The following GALNT14 variants were observed in gnomAD, a reference collection of about 807,000 sequenced individuals.
GALNT14 encodes the protein UDP-GalNAc:polypeptide N-acetylgalactosaminyltransferase 14.
Under a neutral mutation model 77.5 loss-of-function variants are expected in GALNT14, and 60 were observed. That is an observed-to-expected ratio of 0.77 (90% CI 0.63 to 0.96). The LOEUF (loss-of-function observed/expected upper bound fraction) is 0.96. Ranked by LOEUF, GALNT14 falls within the 40% of genes least tolerant of loss-of-function variation. The pLI is 0.00. For missense variants in GALNT14, 710 were observed against 731.0 expected (o/e 0.97, Z 0.33); for synonymous variants, 280 against 281.7 (o/e 0.99, Z 0.06).
chr2:30,927,643 A>G (rs1424871823), intron 11 of GALNT14, among the ~76,000 whole-genome samples: 2 of 152,172 alleles, frequency 1.3e-5, no homozygotes, highest in African/African-American at 2.4e-5. Context: ...CAGTGAAGTT[A>G]ATGGGTTGGT....
At chr2:30,978,127 C>T (rs565104268) in intron 2 of GALNT14, among the ~76,000 whole-genome samples, 1 of 152,238 alleles carries the variant, frequency 6.6e-6, no homozygotes, top group Admixed American at 6.5e-5. Flanking sequence ...CTTGCAGGAG[C>T]CTTCTGGCCC....
intron 1 of GALNT14, among the ~76,000 whole-genome samples, chr2:31,122,854 C>T (rs1464374015): frequency 6.6e-6 from 1 of 152,120 alleles, no homozygotes; most frequent in Non-Finnish European, 1.5e-5. Flanking sequence ...CTAAAAGCAA[C>T]CATAGACAAT....
intron 1 of GALNT14, among the ~76,000 whole-genome samples, chr2:31,011,283 T>C (rs1487775691): frequency 1.3e-5 from 2 of 152,220 alleles, no homozygotes; most frequent in South Asian, 4.1e-4. Context: ...AGGCATACTT[T>C]TAGCACTCAA....
intron 1 of GALNT14, among the ~76,000 whole-genome samples, chr2:31,072,313 A>G: frequency 7.8e-6 from 1 of 127,578 alleles, no homozygotes; most frequent in Non-Finnish European, 1.6e-5. Context: ...ATACACACAC[A>G]CACACACACG....
chr2:30,921,194 G>A (rs1170928147), intron 13 of GALNT14, among the ~76,000 whole-genome samples: 1 of 152,084 alleles, frequency 6.6e-6, no homozygotes, highest in East Asian at 1.9e-4. Flanking sequence ...ACAGAGACCT[G>A]GCTCCTCTTC....
At position 30,992,935 on chromosome 2, in the gene GALNT14, G is replaced by T. The variant is rs145668909; in HGVS notation, c.202C>A (p.Arg68Ser). 2 of 1,614,020 alleles carry T rather than the reference G, an allele frequency of 1.2e-6. No homozygotes were observed. The highest frequency in any genetic ancestry group is 2.7e-5 in the African/African-American group (2 of 74,906). ...ERRYLNAKKW[R>S]VGDDPYKLYA... The stretch of plus-strand genomic sequence containing the variant: ...AGCTTATAGGGGTCGTCACCAACGC[G>T]CCACTTTTTGGCATTCAGATACCGC... Residue 68 changes from arginine to serine, a missense_variant, in exon 2 of 15, where the codon CGC (arginine) becomes AGC (serine). Coordinates refer to ENST00000349752, the MANE Select transcript of GALNT14 (RefSeq NM_024572.4).
At chr2:31,088,001 C>A (rs999591190) in intron 1 of GALNT14, among the ~76,000 whole-genome samples, 1 of 152,194 alleles carries the variant, frequency 6.6e-6, no homozygotes, top group Non-Finnish European at 1.5e-5. Context: ...GAGAGTGGAC[C>A]TTTGACCAGA....
intron 1 of GALNT14, among the ~76,000 whole-genome samples, chr2:31,032,273 C>T (rs1434309033): frequency 1.3e-5 from 2 of 152,150 alleles, no homozygotes; most frequent in Non-Finnish European, 2.9e-5. Flanking sequence ...GTTGAGGATC[C>T]ACTCGCTCAA....
chr2:31,085,312 C>G (rs921576691), intron 1 of GALNT14, among the ~76,000 whole-genome samples: 2 of 152,198 alleles, frequency 1.3e-5, no homozygotes, highest in Non-Finnish European at 2.9e-5. Context: ...TCGGGGTACC[C>G]CAGAGCTATC....
intron 1 of GALNT14, chr2:31,079,118 A>C: frequency 8.5e-7 from 1 of 1,173,864 alleles, no homozygotes; most frequent in Non-Finnish European, 1.1e-6. Flanking sequence ...GGCATAGGTG[A>C]CCACACCTTT....
chr2:30,960,371 C>T (rs569788517), intron 3 of GALNT14, among the ~76,000 whole-genome samples: 4 of 152,296 alleles, frequency 2.6e-5, no homozygotes, highest in African/African-American at 7.2e-5. Flanking sequence ...CCTGCCAGCT[C>T]TTTGAAATTC....
rs771801668 is a variant in GALNT14, at chr2:30,924,219, C to T, written c.1280G>A (p.Arg427Lys). Residue 427 changes from arginine (R) to lysine (K), a missense_variant, in exon 13 of 15, where the codon AGA (arginine) becomes AAA (lysine). Physicochemically the swap from Arg to Lys is conservative, Grantham distance 26. Coordinates refer to ENST00000349752, the MANE Select transcript of GALNT14 (RefSeq NM_024572.4). ...SSIQKGNIRQ[R>K]QKCLESQRQN... ...CCTTTGAGATTCCAGGCACTTCTGT[C>T]TCTGTCGGATATTGCCCTTCTGGAT... 39 of 1,614,084 alleles carry T rather than the reference C, an allele frequency of 2.4e-5. No homozygotes were observed. In the Admixed American group the frequency reaches 6.0e-4, roughly 25 times the overall value.
intron 3 of GALNT14, among the ~76,000 whole-genome samples, chr2:30,962,206 C>T (rs989091519): frequency 1.3e-5 from 2 of 152,196 alleles, no homozygotes; most frequent in African/African-American, 2.4e-5. Context: ...ATTACTTTGT[C>T]TTCTCCACAA....
intron 1 of GALNT14, among the ~76,000 whole-genome samples, chr2:31,120,787 C>T (rs1276172648): frequency 6.6e-6 from 1 of 152,224 alleles, no homozygotes; most frequent in Non-Finnish European, 1.5e-5. Flanking sequence ...AAACTCCTGA[C>T]CTCTGGTGAC....
chr2:30,986,555 T>C (rs959258359), intron 2 of GALNT14, among the ~76,000 whole-genome samples: 3 of 152,216 alleles, frequency 2.0e-5, no homozygotes, highest in Non-Finnish European at 4.4e-5. Context: ...ATGCTTTATG[T>C]ATTGAAATGT....
chr2:31,037,710 C>T (rs1420994818), intron 1 of GALNT14, among the ~76,000 whole-genome samples: 1 of 152,034 alleles, frequency 6.6e-6, no homozygotes, highest in African/African-American at 2.4e-5. Context: ...AGTGACTCTC[C>T]TGAACTAATC....
intron 13 of GALNT14, among the ~76,000 whole-genome samples, chr2:30,918,256 T>C (rs1050369127): frequency 2.0e-4 from 30 of 152,322 alleles, no homozygotes; most frequent in African/African-American, 5.5e-4. Context: ...CGCTGGGTCA[T>C]GTTGTTGGAT....
At chr2:31,088,257 T>C (rs1370042572) in intron 1 of GALNT14, among the ~76,000 whole-genome samples, 1 of 152,166 alleles carries the variant, frequency 6.6e-6, no homozygotes, top group African/African-American at 2.4e-5. Context: ...TCTAGAAGTC[T>C]GGCTATCAAG....
chr2:31,100,591 A>C (rs542514576), intron 1 of GALNT14, among the ~76,000 whole-genome samples: 11 of 152,042 alleles, frequency 7.2e-5, no homozygotes, highest in East Asian at 5.8e-4. Flanking sequence ...TGCAATGAGG[A>C]GTAACAGTAC....
Sources: allele counts gnomAD v4.1 joint callset (sites outside exome capture counted in the v4.1 genomes callset), GRCh38; gene constraint gnomAD v4.1.1; transcripts MANE v1.5; gene names NCBI Gene and HGNC (gene_info 2026-07-23, HGNC 2026-07-21).